Variants in STK3 observed in about 807,000 individuals in gnomAD.
STK3 encodes the protein serine/threonine kinase 3.
A neutral mutation model predicts 58.0 loss-of-function variants in STK3; 41 were observed. The observed-to-expected ratio is 0.71, with a 90% CI of 0.55 to 0.92. STK3 has a LOEUF of 0.92. Among genes scored for constraint, STK3 ranks in the 40% least tolerant of loss-of-function variants. The pLI, the probability that STK3 is intolerant of heterozygous loss-of-function variation, is 0.00. For missense variants in STK3, 479 were observed against 602.7 expected (o/e 0.79, Z 2.15); for synonymous variants, 170 against 191.0 (o/e 0.89, Z 0.91).
chr8:98,722,091 C>T (rs1215410531), intron 4 of STK3, among the ~76,000 whole-genome samples: 3 of 151,832 alleles, frequency 2.0e-5, no homozygotes, highest in Non-Finnish European at 4.4e-5. Flanking sequence ...TAAAATCAAG[C>T]TTTAAATAAA....
chr8:98,651,983 G>C (rs528645136), intron 6 of STK3, among the ~76,000 whole-genome samples: 7 of 151,762 alleles, frequency 4.6e-5, no homozygotes, highest in Non-Finnish European at 1.0e-4. Flanking sequence ...TACAGAGAAC[G>C]CCACAAAGAT....
intron 6 of STK3, among the ~76,000 whole-genome samples, chr8:98,602,020 A>G (rs1563791422): frequency 6.6e-6 from 1 of 152,216 alleles, no homozygotes; most frequent in Non-Finnish European, 1.5e-5. Context: ...AGCAATTCCA[A>G]TATGTGAGTA....
chr8:98,754,698 T>A (rs1456289567), intron 3 of STK3, among the ~76,000 whole-genome samples: 1 of 151,922 alleles, frequency 6.6e-6, no homozygotes, highest in Non-Finnish European at 1.5e-5. Context: ...TTGGTAGAGA[T>A]GGGGTTTTGC....
At chr8:98,672,259 TG>T (rs1822887055) in intron 6 of STK3, among the ~76,000 whole-genome samples, 1 of 74,310 alleles carries the variant, frequency 1.3e-5, no homozygotes, top group African/African-American at 5.4e-5. Flanking sequence ...GCGGTGGGTG[TG>T]GGGGGTTAGG....
At chr8:98,467,072 T>C (rs1478782248) in intron 10 of STK3, among the ~76,000 whole-genome samples, 2 of 152,220 alleles carry the variant, frequency 1.3e-5, no homozygotes, top group Admixed American at 6.5e-5. Flanking sequence ...CTAAAGGCTC[T>C]GCCTTTAGTG....
chr8:98,456,638 A>C (rs1022169582), intron 10 of STK3, among the ~76,000 whole-genome samples: 5 of 151,570 alleles, frequency 3.3e-5, no homozygotes, highest in Non-Finnish European at 7.4e-5. Context: ...TCTTCTTCTT[A>C]TTTTTTTTGA....
intron 1 of STK3, among the ~76,000 whole-genome samples, chr8:98,922,117 G>A: frequency 6.6e-6 from 1 of 152,060 alleles, no homozygotes; most frequent in African/African-American, 2.4e-5. Flanking sequence ...CGTATTTCTG[G>A]GAGAGATATT....
At chr8:98,766,658 T>C (rs1830970541) in intron 3 of STK3, among the ~76,000 whole-genome samples, 1 of 152,166 alleles carries the variant, frequency 6.6e-6, no homozygotes, top group Non-Finnish European at 1.5e-5. Flanking sequence ...TCCTTTACCC[T>C]CGATGCTCTG....
At chr8:98,425,994 C>T (rs1363673433) in intron 3 of STK3, among the ~76,000 whole-genome samples, 1 of 152,152 alleles carries the variant, frequency 6.6e-6, no homozygotes, top group African/African-American at 2.4e-5. Flanking sequence ...GGACTGGGTC[C>T]ATTTCTCAGC....
chr8:98,614,706 C>T (rs370855841), intron 6 of STK3, among the ~76,000 whole-genome samples: 2 of 152,168 alleles, frequency 1.3e-5, no homozygotes, highest in Admixed American at 1.3e-4. Flanking sequence ...ATGGATGCAC[C>T]TGGAAAATCG....
chr8:98,525,625 T>G (rs554614365), intron 10 of STK3, among the ~76,000 whole-genome samples: 1 of 152,232 alleles, frequency 6.6e-6, no homozygotes, highest in Non-Finnish European at 1.5e-5. Context: ...TTTTTCTAAC[T>G]GCTTACTACA....
chr8:98,604,947 G>A (rs1816657255), intron 6 of STK3, among the ~76,000 whole-genome samples: 1 of 152,062 alleles, frequency 6.6e-6, no homozygotes, highest in Non-Finnish European at 1.5e-5. Context: ...AGATCCCCAG[G>A]GCAGGGGTAA....
chr8:98,759,124 T>G (rs1036613593), intron 3 of STK3, among the ~76,000 whole-genome samples: 7 of 152,264 alleles, frequency 4.6e-5, no homozygotes, highest in African/African-American at 1.7e-4. Context: ...GTCCTTTGCA[T>G]TCAAGCTTGG....
chr8:98,436,350 G>A (rs367881228), intron 2 of STK3, among the ~76,000 whole-genome samples: 4 of 151,402 alleles, frequency 2.6e-5, no homozygotes, highest in Admixed American at 1.3e-4. Context: ...CCTGCCCGAC[G>A]CCCTCACTCC....
intron 6 of STK3, among the ~76,000 whole-genome samples, chr8:98,652,303 G>A (rs74712230): frequency 1.3e-5 from 2 of 151,996 alleles, no homozygotes; most frequent in Admixed American, 6.6e-5. Context: ...TCACCACCAG[G>A]CCTGCCCTAA....
At chr8:98,368,860 G>A (rs1161506691), downstream of STK3, among the ~76,000 whole-genome samples, 1 of 152,174 alleles carries the variant, frequency 6.6e-6, no homozygotes, top group Non-Finnish European at 1.5e-5. Context: ...CTTCATCTGT[G>A]AAAGAGTGAG....
rs550767241 is a variant in STK3 at position 98,905,228 on chromosome 8, A to G, written c.-78-21394T>C. On this transcript the variant is annotated intron_variant, in intron 1 of 1. Transcript: ENST00000519420. ...GGGCAGTCCGAAGTCGGGCTTGTGG[A>G]CAACTACACATGCATTATCTTGCCT... The G allele has an allele frequency of 1.5e-5, 13 of 866,828 alleles. No individual in the cohort carries two copies. The South Asian group carries it at 1.6e-4, about 11-fold the overall frequency. 53.7% of individuals were successfully genotyped at this position (866,828 alleles called of 1,614,324 possible).
At chr8:98,568,305 G>T (rs777752629) in intron 8 of STK3, among the ~76,000 whole-genome samples, 11 of 152,044 alleles carry the variant, frequency 7.2e-5, no homozygotes, top group African/African-American at 1.2e-4. Context: ...GAATTGAATA[G>T]ATAACAGTAT....
chr8:98,501,230 A>G (rs557385872), intron 10 of STK3, among the ~76,000 whole-genome samples: 2 of 150,242 alleles, frequency 1.3e-5, no homozygotes, highest in Non-Finnish European at 3.0e-5. Context: ...GTCTGTTCAT[A>G]TCCTTTGCCC....
Sources: gnomAD v4.1 joint callset for allele counts (sites outside exome capture counted in the v4.1 genomes callset) on GRCh38, gnomAD v4.1.1 for gene constraint, MANE v1.5 for transcripts, NCBI Gene and HGNC (gene_info 2026-07-23, HGNC 2026-07-21) for gene names.